ZNF536: variants seen among roughly 807,000 people sequenced by gnomAD.
ZNF536 encodes zinc finger protein 536.
ZNF536 carries 13 observed loss-of-function variants against 84.5 expected under a neutral mutation model. The observed-to-expected ratio is 0.15, with a 90% CI of 0.10 to 0.24. ZNF536 has a LOEUF of 0.24. Among genes scored for constraint, ZNF536 ranks in the 10% least tolerant of loss-of-function variants. ZNF536 has a pLI of 1.00. For missense variants in ZNF536, 1,536 were observed against 1,747.5 expected, an observed-to-expected ratio of 0.88 and a Z score of 2.16; for synonymous variants, 811 against 742.5, an observed-to-expected ratio of 1.09 and a Z score of -1.50.
At chr19:30,376,513 G>A (rs1482649895) in intron 1 of ZNF536, among the ~76,000 whole-genome samples, 1 of 152,170 alleles carries the variant, frequency 6.6e-6, no homozygotes, top group Non-Finnish European at 1.5e-5. Flanking sequence ...CACACAGATA[G>A]CACCCACTGG....
intron 1 of ZNF536, among the ~76,000 whole-genome samples, chr19:30,642,319 G>C (rs1351512467): frequency 6.6e-6 from 1 of 152,134 alleles, no homozygotes; most frequent in Non-Finnish European, 1.5e-5. Flanking sequence ...GACACTTGGG[G>C]CCCATTTCAA....
chr19:30,670,760 C>A (rs1034515815), intron 1 of ZNF536, among the ~76,000 whole-genome samples: 1 of 152,208 alleles, frequency 6.6e-6, no homozygotes, highest in Admixed American at 6.5e-5. Flanking sequence ...GCCCTTCAGG[C>A]AGGTTCTGAA....
At chr19:30,461,278 G>A (rs12985250) in intron 2 of ZNF536, among the ~76,000 whole-genome samples, 17,768 of 152,186 alleles carry the variant, frequency 0.12, 1,339 homozygotes, top group South Asian at 0.18. Context: ...GTGACCTCAC[G>A]CCTTTTAACT....
chr19:30,443,043 G>GTTTTTTTTTTT (rs199802157), intron 1 of ZNF536, among the ~76,000 whole-genome samples: 3 of 135,520 alleles, frequency 2.2e-5, no homozygotes, highest in Non-Finnish European at 3.2e-5. Context: ...TTTTTTGTTT[G>GTTTTTTTTTTT]TTTTTTTTTT....
Position 30,549,096 on chromosome 19 carries a change from T to A in ZNF536, c.3477T>A (p.Asp1159Glu), listed in dbSNP as rs2146237367. Residue 1159 changes from aspartate (D) to glutamate (E), a missense_variant, in exon 4 of 5, where the codon GAT becomes GAA. Coordinates refer to ENST00000355537, the MANE Select transcript of ZNF536 (RefSeq NM_014717.3). ...AAACCACGAGTAAGAACACTACTGA[T>A]GACCTCTCTGACATTGCCTCCTCAG... is the stretch of plus-strand genomic sequence containing the variant. ...IPETTSKNTT[D>E]DLSDIASSED... 6.2e-7 allele frequency: 1 copy of A among 1,614,178 alleles called. No homozygotes were observed. The highest frequency in any genetic ancestry group is 1.1e-5 in the South Asian group (1 of 91,088).
chr19:30,673,750 G>A (rs571001035), intron 1 of ZNF536, among the ~76,000 whole-genome samples: 37 of 152,326 alleles, frequency 2.4e-4, no homozygotes, highest in African/African-American at 7.9e-4. Context: ...GTGCACGGAC[G>A]CACGTCCCGA....
chr19:30,401,709 G>C (rs2050054139), intron 1 of ZNF536, among the ~76,000 whole-genome samples: 1 of 152,186 alleles, frequency 6.6e-6, no homozygotes, highest in African/African-American at 2.4e-5. Flanking sequence ...ATTCAAAGAG[G>C]GGGAAAGGTA....
At chr19:30,252,773 G>A (rs1027582853) in intron 1 of ZNF536, among the ~76,000 whole-genome samples, 9 of 152,220 alleles carry the variant, frequency 5.9e-5, no homozygotes, top group Non-Finnish European at 1.3e-4. Flanking sequence ...TTCTCCATTA[G>A]ATCCCAGATA....
chr19:30,390,562 C>G (rs10422900), intron 1 of ZNF536, among the ~76,000 whole-genome samples: 15,648 of 152,268 alleles, frequency 0.1, 2,693 homozygotes, highest in African/African-American at 0.35. Flanking sequence ...TAGCCAGGCT[C>G]TTTGAGAGCA....
intron 2 of ZNF536, among the ~76,000 whole-genome samples, chr19:30,479,376 A>C (rs2144801996): frequency 6.6e-6 from 1 of 152,296 alleles, no homozygotes; most frequent in Middle Eastern, 3.4e-3. Context: ...ACCGGCTGAA[A>C]GTCAGTCACG....
chr19:30,570,859 C>G (rs1389645773), intron 1 of ZNF536, among the ~76,000 whole-genome samples: 1 of 152,150 alleles, frequency 6.6e-6, no homozygotes, highest in African/African-American at 2.4e-5. Context: ...CTAGAAGGGC[C>G]AGCTGTAGGG....
At chr19:30,396,419 G>T (rs2049817922) in intron 1 of ZNF536, among the ~76,000 whole-genome samples, 1 of 152,048 alleles carries the variant, frequency 6.6e-6, no homozygotes, top group Admixed American at 6.6e-5. Context: ...TTTGCTTTTG[G>T]CAATTTCTTT....
At chr19:30,551,797 G>A (rs1204593995) in intron 4 of ZNF536, among the ~76,000 whole-genome samples, 3 of 152,188 alleles carry the variant, frequency 2.0e-5, no homozygotes, top group Non-Finnish European at 4.4e-5. Flanking sequence ...TTGGAAGTAG[G>A]CAGGAAAAGA....
At chr19:30,675,379 C>T (rs894840339) in intron 1 of ZNF536, among the ~76,000 whole-genome samples, 6 of 152,160 alleles carry the variant, frequency 3.9e-5, no homozygotes, top group Non-Finnish European at 8.8e-5. Context: ...GGCCAGTGAG[C>T]AGAGACAGGT....
At chr19:30,324,684 G>A (rs1008745423) in intron 2 of ZNF536, among the ~76,000 whole-genome samples, 23 of 152,156 alleles carry the variant, frequency 1.5e-4, no homozygotes, top group African/African-American at 3.9e-4. Context: ...GAGCCACTCC[G>A]TCTGACTTTC....
At chr19:30,252,807 A>AT (rs1249626984) in intron 1 of ZNF536, among the ~76,000 whole-genome samples, 3 of 152,210 alleles carry the variant, frequency 2.0e-5, no homozygotes, top group Admixed American at 6.5e-5. Flanking sequence ...GTTCTAAAGC[A>AT]TTTTTTGTAC....
chr19:30,256,086 C>CT (rs1429623145), intron 1 of ZNF536, among the ~76,000 whole-genome samples: 2 of 152,198 alleles, frequency 1.3e-5, no homozygotes, highest in Non-Finnish European at 2.9e-5. Flanking sequence ...TTTCTCTCTC[C>CT]TTTTTTCTTT....
chr19:30,593,323 T>G (rs2047338452), intron 1 of ZNF536, among the ~76,000 whole-genome samples: 1 of 152,178 alleles, frequency 6.6e-6, no homozygotes, highest in East Asian at 1.9e-4. Flanking sequence ...CTCATGAGGC[T>G]GACTTCAGGG....
chr19:30,413,698 A>G (rs1324546736), intron 1 of ZNF536, among the ~76,000 whole-genome samples: 2 of 152,268 alleles, frequency 1.3e-5, no homozygotes, highest in Middle Eastern at 3.4e-3. Flanking sequence ...CCGCTTTTGC[A>G]TTATGTATTT....
Sources: allele counts gnomAD v4.1 joint callset (sites outside exome capture counted in the v4.1 genomes callset), GRCh38; gene constraint gnomAD v4.1.1; transcripts MANE v1.5; gene names NCBI Gene and HGNC (gene_info 2026-07-23, HGNC 2026-07-21).